Variants in LEKR1 observed in about 807,000 individuals in gnomAD.
LEKR1 encodes leucine, glutamate and lysine rich 1, also known as protein LEKR1.
LEKR1 carries 59 observed loss-of-function variants against 72.4 expected under a neutral mutation model. The ratio of observed to expected loss-of-function variants is 0.82; its 90% confidence interval spans 0.66 to 1.01. The LOEUF (loss-of-function observed/expected upper bound fraction) is 1.01. Ranked by LOEUF, LEKR1 falls within the 50% of genes least tolerant of loss-of-function variation. LEKR1 has a pLI of 0.00. For synonymous variants in LEKR1, 257 were observed against 263.2 expected (o/e 0.98, Z 0.23); for missense variants, 728 against 759.2 (o/e 0.96, Z 0.48).
At chr3:156,868,794 A>T (rs1004148142) in intron 3 of LEKR1, among the ~76,000 whole-genome samples, 2 of 151,988 alleles carry the variant, frequency 1.3e-5, no homozygotes, top group African/African-American at 4.8e-5. Flanking sequence ...TATACCTTCT[A>T]TCTAATGTAT....
chr3:156,971,367 G>T (rs1238075326), intron 6 of LEKR1, among the ~76,000 whole-genome samples: 2 of 152,110 alleles, frequency 1.3e-5, no homozygotes, highest in African/African-American at 4.8e-5. Flanking sequence ...TTAAATGTTG[G>T]ACCTGAAACC....
chr3:156,979,537 C>G (rs1194357428), intron 7 of LEKR1: 1 of 191,840 alleles, frequency 5.2e-6, no homozygotes, highest in Non-Finnish European at 1.1e-5. Context: ...ACTTACTTAT[C>G]CATATATTAA....
At chr3:156,935,489 A>G (rs747248807) in intron 5 of LEKR1, among the ~76,000 whole-genome samples, 5 of 152,222 alleles carry the variant, frequency 3.3e-5, no homozygotes, top group South Asian at 2.1e-4. Context: ...TCTTTGATCA[A>G]TTTGAACACA....
At chr3:156,953,119 G>A (rs1186833457) in intron 6 of LEKR1, among the ~76,000 whole-genome samples, 1 of 150,378 alleles carries the variant, frequency 6.6e-6, no homozygotes, top group African/African-American at 2.4e-5. Context: ...TTATTTGGAG[G>A]CAATCAGAAT....
intron 3 of LEKR1, among the ~76,000 whole-genome samples, chr3:156,909,827 C>G (rs1722934991): frequency 6.6e-6 from 1 of 151,462 alleles, no homozygotes; most frequent in Admixed American, 6.6e-5. Context: ...TGTTATTTTT[C>G]TTGGTGCATT....
chr3:157,025,889 G>A (rs1332873248), intron 11 of LEKR1, among the ~76,000 whole-genome samples: 2 of 151,502 alleles, frequency 1.3e-5, no homozygotes, highest in Non-Finnish European at 2.9e-5. Context: ...AATTAGCCTA[G>A]TGTGACGGTT....
chr3:156,879,959 G>T (rs549818208), intron 3 of LEKR1, among the ~76,000 whole-genome samples: 3 of 152,352 alleles, frequency 2.0e-5, no homozygotes, highest in African/African-American at 7.2e-5. Context: ...GCATAAGTTT[G>T]CTGCAGGGGC....
intron 12 of LEKR1, among the ~76,000 whole-genome samples, chr3:157,041,816 T>C (rs1735364628): frequency 1.3e-5 from 2 of 152,260 alleles, no homozygotes; most frequent in African/African-American, 4.8e-5. Flanking sequence ...TTGTCCTTGT[T>C]GCTCAGTGAA....
intron 9 of LEKR1, among the ~76,000 whole-genome samples, chr3:157,006,956 C>G (rs1247684041): frequency 6.6e-6 from 1 of 152,146 alleles, no homozygotes; most frequent in Non-Finnish European, 1.5e-5. Context: ...AATCCCAGCA[C>G]TTTGGGAGGC....
At chr3:156,982,855 G>GTAGATAGA (rs57476413) in intron 7 of LEKR1, among the ~76,000 whole-genome samples, 1,442 of 140,088 alleles carry the variant, frequency 0.01, 10 homozygotes, top group East Asian at 0.016. Flanking sequence ...GTGTGTGTGT[G>GTAGATAGA]TAGATAGATA....
At chr3:156,862,507 A>G (rs536703574) in intron 3 of LEKR1, among the ~76,000 whole-genome samples, 2 of 152,076 alleles carry the variant, frequency 1.3e-5, no homozygotes, top group Non-Finnish European at 2.9e-5. Context: ...AAATGGACGG[A>G]GAAAGAGCTG....
intron 7 of LEKR1, among the ~76,000 whole-genome samples, chr3:156,985,327 G>T (rs568427074): frequency 4.6e-5 from 7 of 152,154 alleles, no homozygotes; most frequent in Non-Finnish European, 1.0e-4. Flanking sequence ...TTTAAGTTAA[G>T]ATATGAATAA....
intron 2 of LEKR1, among the ~76,000 whole-genome samples, chr3:156,829,831 T>C (rs1712127757): frequency 6.6e-6 from 1 of 152,130 alleles, no homozygotes; most frequent in South Asian, 2.1e-4. Flanking sequence ...TTAAAATAAA[T>C]ATATTGGAAA....
chr3:157,045,682 G>A lies in LEKR1; in HGVS notation c.2011G>A (p.Ala671Thr), dbSNP rs1735705198. The change falls in exon 13 of 13, where the codon GCA becomes ACA. Residue 671 changes from alanine to threonine, a missense_variant. Coordinates refer to ENST00000356539, the MANE Select transcript of LEKR1 (RefSeq NM_001004316.3). ...CCAGCCACATCCTCCCAGGGGTGGA[G>A]CATCTTCAGCAAATGAGACTAGACA... is the stretch of plus-strand genomic sequence containing the variant. ...LPQPHPPRGG[A>T]SSANETRQRL... 6.2e-7 allele frequency: 1 copy of A among 1,613,766 alleles called. No individual in the cohort carries two copies. Among genetic ancestry groups the A allele is most frequent in the Non-Finnish European group, 8.5e-7 (1 of 1,179,998 alleles).
At chr3:157,033,244 A>G (rs1734745995) in intron 12 of LEKR1, among the ~76,000 whole-genome samples, 2 of 152,236 alleles carry the variant, frequency 1.3e-5, no homozygotes. Flanking sequence ...TTAAGTCAAA[A>G]GGCAGAAATG....
intron 3 of LEKR1, among the ~76,000 whole-genome samples, chr3:156,908,397 T>C (rs1465630633): frequency 6.6e-6 from 1 of 152,174 alleles, no homozygotes; most frequent in Admixed American, 6.5e-5. Flanking sequence ...AATTGGAAAT[T>C]TTCTGTGTAA....
intron 4 of LEKR1, among the ~76,000 whole-genome samples, chr3:156,921,405 A>G (rs963983093): frequency 1.3e-5 from 2 of 152,146 alleles, no homozygotes; most frequent in African/African-American, 4.8e-5. Context: ...ATTACCAGGA[A>G]TATTCTGAAT....
intron 3 of LEKR1, among the ~76,000 whole-genome samples, chr3:156,884,890 T>G (rs1319495967): frequency 2.0e-5 from 3 of 152,166 alleles, no homozygotes; most frequent in Non-Finnish European, 4.4e-5. Flanking sequence ...AGTTTTTGAT[T>G]TCTTTTCTTC....
chr3:156,840,656 C>T (rs62273921), intron 2 of LEKR1, among the ~76,000 whole-genome samples: 4,851 of 152,278 alleles, frequency 0.032, 118 homozygotes, highest in Non-Finnish European at 0.048. Context: ...ACCATGCCAT[C>T]GATTTAACTT....
Sources: allele counts gnomAD v4.1 joint callset (sites outside exome capture counted in the v4.1 genomes callset), GRCh38; gene constraint gnomAD v4.1.1; transcripts MANE v1.5; gene names NCBI Gene and HGNC (gene_info 2026-07-23, HGNC 2026-07-21).